The following SGMS1 variants were observed in gnomAD, a reference collection of about 807,000 sequenced individuals.
SGMS1 encodes the protein phosphatidylcholine:ceramide cholinephosphotransferase 1.
A neutral mutation model predicts 46.2 loss-of-function variants in SGMS1; 13 were observed. The observed-to-expected ratio is 0.28, with a 90% CI of 0.18 to 0.45. SGMS1 has a LOEUF of 0.45. Among genes scored for constraint, SGMS1 ranks in the 20% least tolerant of loss-of-function variants. The pLI is 1.00. For missense variants in SGMS1, 324 were observed against 519.9 expected (o/e 0.62, Z 3.66); for synonymous variants, 203 against 187.8 (o/e 1.08, Z -0.66).
chr10:50,428,540 C>T (rs1000541637), intron 6 of SGMS1, among the ~76,000 whole-genome samples: 1 of 152,168 alleles, frequency 6.6e-6, no homozygotes, highest in Non-Finnish European at 1.5e-5. Context: ...GCTGAGCTTT[C>T]TTCCCCCCGT....
intron 3 of SGMS1, among the ~76,000 whole-genome samples, chr10:50,498,938 C>T (rs2339506): frequency 0.53 from 80,304 of 151,934 alleles, 21,374 homozygotes; most frequent in Admixed American, 0.64. Flanking sequence ...CAATAGTGCA[C>T]GAGTGTTCCA....
At chr10:50,418,982 A>G (rs1849219298) in intron 6 of SGMS1, among the ~76,000 whole-genome samples, 1 of 152,234 alleles carries the variant, frequency 6.6e-6, no homozygotes, top group African/African-American at 2.4e-5. Context: ...TAAATTTTAA[A>G]TTTCATGTCA....
chr10:50,368,909 A>G (rs1424484578), intron 6 of SGMS1, among the ~76,000 whole-genome samples: 1 of 152,244 alleles, frequency 6.6e-6, no homozygotes, highest in Non-Finnish European at 1.5e-5. Context: ...CCTTGATTAT[A>G]TATTACTGTG....
At chr10:50,535,246 A>ACAG (rs1837990123) in intron 2 of SGMS1, among the ~76,000 whole-genome samples, 1 of 150,468 alleles carries the variant, frequency 6.6e-6, no homozygotes, top group Non-Finnish European at 1.5e-5. Flanking sequence ...AACAACAACA[A>ACAG]CAACTATCAT....
intron 3 of SGMS1, among the ~76,000 whole-genome samples, chr10:50,467,837 A>G (rs867513189): frequency 1.3e-5 from 2 of 152,208 alleles, no homozygotes; most frequent in South Asian, 2.1e-4. Context: ...AGATGTTAAC[A>G]TGTCTGAGGA....
intron 6 of SGMS1, among the ~76,000 whole-genome samples, chr10:50,367,432 C>T (rs1379034631): frequency 6.6e-6 from 1 of 152,194 alleles, no homozygotes; most frequent in Non-Finnish European, 1.5e-5. Flanking sequence ...ATTCTAAATT[C>T]ATGGCGCTTA....
At chr10:50,577,300 A>T (rs1400304827) in intron 2 of SGMS1, among the ~76,000 whole-genome samples, 1 of 152,170 alleles carries the variant, frequency 6.6e-6, no homozygotes, top group Non-Finnish European at 1.5e-5. Context: ...TTAGCAATAA[A>T]AACCCTTGTC....
rs937563698 is a variant in SGMS1, at chr10:50,307,757, C to T, written c.1062+225G>A. On this transcript the variant is annotated intron_variant, in intron 10 of 10. Coordinates refer to ENST00000361781, the MANE Select transcript of SGMS1 (RefSeq NM_147156.4). This position sits in a 1 kb window ranked among gnomAD's most constrained non-coding sequence, Gnocchi z 4.2. ...TCATTTTTCAAGGACAATGAAAGTGCGTTCCTTATTCTAGAAGGAAGTAAT... is the reference window on the plus strand; with the variant it reads ...TCATTTTTCAAGGACAATGAAAGTGTGTTCCTTATTCTAGAAGGAAGTAAT... 2.6e-5 allele frequency among the ~76,000 whole-genome samples: 4 copies of T among 152,038 alleles called. No homozygotes were observed. Among genetic ancestry groups the T allele is most frequent in the Admixed American group, 6.5e-5 (1 of 15,270 alleles).
chr10:50,338,672 A>C (rs536929924), intron 7 of SGMS1, among the ~76,000 whole-genome samples: 28 of 152,216 alleles, frequency 1.8e-4, no homozygotes, highest in African/African-American at 6.3e-4. Flanking sequence ...CCCTTCCACA[A>C]AATTTATTCA....
chr10:50,385,257 A>G (rs2133487912), intron 6 of SGMS1, among the ~76,000 whole-genome samples: 1 of 152,322 alleles, frequency 6.6e-6, no homozygotes, highest in South Asian at 2.1e-4. Flanking sequence ...TAAGTTAGTA[A>G]CCTCAGAGAG....
chr10:50,361,692 T>C (rs554330472), intron 6 of SGMS1, among the ~76,000 whole-genome samples: 1 of 152,308 alleles, frequency 6.6e-6, no homozygotes, highest in East Asian at 1.9e-4. Flanking sequence ...CTATTCCCAT[T>C]TGCTTCTGCT....
chr10:50,408,053 A>C (rs1849041804), intron 6 of SGMS1, among the ~76,000 whole-genome samples: 1 of 152,216 alleles, frequency 6.6e-6, no homozygotes, highest in African/African-American at 2.4e-5. Context: ...ACATAATATG[A>C]TAGCCACTAA....
chr10:50,529,946 C>A (rs1489302697), intron 2 of SGMS1, among the ~76,000 whole-genome samples: 1 of 152,142 alleles, frequency 6.6e-6, no homozygotes, highest in Admixed American at 6.5e-5. Flanking sequence ...GTTTTCTTTC[C>A]TCCAATATTC....
chr10:50,511,901 G>A (rs534590101), intron 3 of SGMS1, among the ~76,000 whole-genome samples: 59 of 152,186 alleles, frequency 3.9e-4, no homozygotes, highest in Admixed American at 8.5e-4. Context: ...TTTGTCCCAT[G>A]TCTCTCTCTC....
chr10:50,621,978 G>C (rs1231802597), intron 1 of SGMS1, among the ~76,000 whole-genome samples: 2 of 152,174 alleles, frequency 1.3e-5, no homozygotes, highest in African/African-American at 4.8e-5. Context: ...AAATACCAGG[G>C]CCTCCAGAGC....
intron 3 of SGMS1, among the ~76,000 whole-genome samples, chr10:50,500,263 A>G (rs773184576): frequency 2.6e-5 from 4 of 152,196 alleles, no homozygotes; most frequent in Non-Finnish European, 4.4e-5. Flanking sequence ...CAGGCTTCTC[A>G]TTTAAATTCA....
intron 7 of SGMS1, chr10:50,340,735 T>A (rs914876088): frequency 1.3e-5 from 2 of 152,264 alleles, no homozygotes; most frequent in African/African-American, 4.8e-5. Context: ...TGTCACAAAT[T>A]CAAGATTAAG....
chr10:50,464,461 G>A (rs547553914), intron 4 of SGMS1, among the ~76,000 whole-genome samples: 1 of 152,262 alleles, frequency 6.6e-6, no homozygotes, highest in African/African-American at 2.4e-5. Flanking sequence ...TTGCTACAGG[G>A]TCTCTCTGTC....
chr10:50,386,849 C>T (rs1334901504), intron 6 of SGMS1, among the ~76,000 whole-genome samples: 4 of 152,150 alleles, frequency 2.6e-5, no homozygotes, highest in African/African-American at 9.7e-5. Flanking sequence ...ATAGCTAACA[C>T]GTACTGAAAG....
Sources: gnomAD v4.1 joint callset for allele counts (sites outside exome capture counted in the v4.1 genomes callset) on GRCh38, gnomAD v4.1.1 for gene constraint, Gnocchi (gnomAD v3.1) non-coding constraint, MANE v1.5 for transcripts, NCBI Gene and HGNC (gene_info 2026-07-23, HGNC 2026-07-21) for gene names.